ERGIC1: variants seen among roughly 807,000 people sequenced by gnomAD.
ERGIC1 encodes the protein endoplasmic reticulum-Golgi intermediate compartment protein 1.
ERGIC1 carries 19 observed loss-of-function variants against 38.3 expected under a neutral mutation model. The observed-to-expected ratio is 0.50, with a 90% CI of 0.35 to 0.73. The LOEUF is 0.73. ERGIC1 is among the 30% of genes least tolerant of loss of function. The pLI is 0.01. For missense variants in ERGIC1, 294 were observed against 389.2 expected (o/e 0.76, Z 2.06); for synonymous variants, 124 against 157.6 (o/e 0.79, Z 1.60).
At chr5:172,883,881 G>A (rs534791412) in intron 1 of ERGIC1, among the ~76,000 whole-genome samples, 25 of 152,304 alleles carry the variant, frequency 1.6e-4, no homozygotes, top group African/African-American at 5.8e-4. Flanking sequence ...TACTCGGGAG[G>A]CTGAGGTGGG....
chr5:172,904,316 C>T (rs1349562299), intron 3 of ERGIC1, among the ~76,000 whole-genome samples: 1 of 152,240 alleles, frequency 6.6e-6, no homozygotes. Context: ...GAGCCCCTCC[C>T]AGTCAGTAGC....
At chr5:172,948,138 C>T (rs964463847) in intron 9 of ERGIC1, among the ~76,000 whole-genome samples, 4 of 152,154 alleles carry the variant, frequency 2.6e-5, no homozygotes, top group South Asian at 4.1e-4. Flanking sequence ...ATAATCCCCC[C>T]AGCGCCCCCA....
intron 1 of ERGIC1, among the ~76,000 whole-genome samples, chr5:172,877,459 T>TG (rs1554108825): frequency 1.7e-5 from 1 of 57,786 alleles, no homozygotes; most frequent in Non-Finnish European, 4.0e-5. Context: ...TATATATATA[T>TG]TTTTTTTTTT....
Position 172,846,995 on chromosome 5 carries a change from C to G in ERGIC1, c.20+12562C>G, listed in dbSNP as rs1238076550. On this transcript the variant is annotated intron_variant, in intron 1 of 9. Transcript: ENST00000393784. The surrounding 1 kb of genome is among the most constrained non-coding windows in gnomAD (Gnocchi z 4.0). ...TTGTGTTAGCCTAAGTCAGCTAATT[C>G]CTATAAACAACCTGCAGATCTCAGT... 1.3e-5 allele frequency among the ~76,000 whole-genome samples: 2 copies of G among 152,202 alleles called. No homozygotes were observed. Among genetic ancestry groups the G allele is most frequent in the Non-Finnish European group, 2.9e-5 (2 of 68,038 alleles).
intron 1 of ERGIC1, among the ~76,000 whole-genome samples, chr5:172,850,738 T>G (rs973684180): frequency 1.3e-5 from 2 of 152,132 alleles, no homozygotes; most frequent in Admixed American, 1.3e-4. Context: ...CCTCTTTTCT[T>G]CCTGCATTTA....
intron 1 of ERGIC1, among the ~76,000 whole-genome samples, chr5:172,883,455 C>T (rs1762333428): frequency 6.6e-6 from 1 of 152,190 alleles, no homozygotes; most frequent in African/African-American, 2.4e-5. Context: ...GCTTTATGAC[C>T]TGAGTGCTCT....
intron 9 of ERGIC1, among the ~76,000 whole-genome samples, chr5:172,945,671 CGTT>C (rs1561746907): frequency 1.2e-3 from 176 of 151,972 alleles, no homozygotes; most frequent in African/African-American, 3.9e-3. Context: ...GGGGTTTTGT[CGTT>C]TTATTTTTAT....
chr5:172,840,652 A>G (rs752806680), intron 1 of ERGIC1, among the ~76,000 whole-genome samples: 1 of 152,162 alleles, frequency 6.6e-6, no homozygotes, highest in Non-Finnish European at 1.5e-5. Flanking sequence ...TCACTCCTGC[A>G]TGACCTTCGG....
chr5:172,930,173 G>T (rs1054176141), intron 7 of ERGIC1, among the ~76,000 whole-genome samples: 1 of 137,678 alleles, frequency 7.3e-6, no homozygotes, highest in African/African-American at 2.7e-5. Flanking sequence ...GGGTGACAGA[G>T]TGAAACTCCG....
intron 7 of ERGIC1, chr5:172,931,196 C>T (rs942818329): frequency 6.6e-6 from 1 of 152,172 alleles, no homozygotes; most frequent in African/African-American, 2.4e-5. Flanking sequence ...GTGGAAGGCC[C>T]ATGAGCTTCC....
chr5:172,861,510 T>TG (rs1761698499), intron 1 of ERGIC1, among the ~76,000 whole-genome samples: 1 of 152,240 alleles, frequency 6.6e-6, no homozygotes, highest in African/African-American at 2.4e-5. Context: ...CACTTGTGGA[T>TG]GCTGACTACT....
At chr5:172,944,555 C>T (rs570232471) in intron 9 of ERGIC1, among the ~76,000 whole-genome samples, 10 of 152,318 alleles carry the variant, frequency 6.6e-5, no homozygotes, top group African/African-American at 2.4e-4. Flanking sequence ...GACAGGGTTT[C>T]GCCTTGTTGG....
chr5:172,907,608 G>A (rs140862766), intron 3 of ERGIC1, among the ~76,000 whole-genome samples: 163 of 150,388 alleles, frequency 1.1e-3, no homozygotes, highest in African/African-American at 3.5e-3. Flanking sequence ...CTGCAACCAC[G>A]GTGACCTTCA....
At chr5:172,886,446 T>C (rs1762420028) in intron 1 of ERGIC1, among the ~76,000 whole-genome samples, 1 of 151,960 alleles carries the variant, frequency 6.6e-6, no homozygotes, top group African/African-American at 2.4e-5. Context: ...ATCCAGCACC[T>C]CGTGATGAGG....
intron 7 of ERGIC1, among the ~76,000 whole-genome samples, chr5:172,927,305 T>A (rs1456522093): frequency 6.6e-6 from 1 of 152,160 alleles, no homozygotes; most frequent in East Asian, 1.9e-4. Flanking sequence ...ACATCTTTTC[T>A]TATTATTTCC....
intron 1 of ERGIC1, among the ~76,000 whole-genome samples, chr5:172,860,640 G>A (rs1761675498): frequency 6.6e-6 from 1 of 152,198 alleles, no homozygotes; most frequent in Non-Finnish European, 1.5e-5. Context: ...GCAGAATCTG[G>A]GCCAGCAGGT....
At chr5:172,906,043 ATTC>A (rs1561728352) in intron 3 of ERGIC1, 2 of 455,938 alleles carry the variant, frequency 4.4e-6, no homozygotes, top group South Asian at 1.5e-5. Flanking sequence ...AGGGTTAGGA[ATTC>A]TTATTTGGCC....
intron 1 of ERGIC1, among the ~76,000 whole-genome samples, chr5:172,874,169 C>T (rs1261084933): frequency 1.3e-5 from 2 of 152,148 alleles, no homozygotes; most frequent in African/African-American, 4.8e-5. Flanking sequence ...ACCTCTGCCT[C>T]GTGGGTTCAA....
chr5:172,897,978 T>TA, intron 3 of ERGIC1: 2 of 412,890 alleles, frequency 4.8e-6, no homozygotes, highest in Non-Finnish European at 8.9e-6. Flanking sequence ...CCATTAGGAT[T>TA]ATGCAGTCAC....
Sources: gnomAD v4.1 joint callset for allele counts (sites outside exome capture counted in the v4.1 genomes callset) on GRCh38, gnomAD v4.1.1 for gene constraint, Gnocchi (gnomAD v3.1) non-coding constraint, MANE v1.5 for transcripts, NCBI Gene and HGNC (gene_info 2026-07-23, HGNC 2026-07-21) for gene names.